CDC123: variants seen among roughly 807,000 people sequenced by gnomAD.
The protein encoded by CDC123 is translation initiation factor eIF2 assembly protein.
In CDC123, 37 loss-of-function variants were observed where a neutral mutation model predicts 54.4. The ratio of observed to expected loss-of-function variants is 0.68; its 90% CI spans 0.52 to 0.89. The LOEUF is 0.89. Ranked by LOEUF, CDC123 falls within the 40% of genes least tolerant of loss-of-function variation. CDC123 has a pLI of 0.00. For missense variants in CDC123, 361 were observed against 412.1 expected, an observed-to-expected ratio of 0.88 and a Z score of 1.07; for synonymous variants, 144 against 136.8, an observed-to-expected ratio of 1.05 and a Z score of -0.37.
At chr10:12,205,895 T>C (rs1835513030) in intron 2 of CDC123, among the ~76,000 whole-genome samples, 1 of 151,310 alleles carries the variant, frequency 6.6e-6, no homozygotes, top group Admixed American at 6.6e-5. Context: ...GCCTACCGGG[T>C]TCAAGCGATT....
intron 7 of CDC123, among the ~76,000 whole-genome samples, chr10:12,231,421 G>A (rs1363147293): frequency 6.6e-6 from 1 of 152,046 alleles, no homozygotes; most frequent in Admixed American, 6.6e-5. Context: ...TCAGGAGTGC[G>A]AGACCAGCCT....
chr10:12,238,788 G>A (rs1836014120), intron 10 of CDC123, among the ~76,000 whole-genome samples: 1 of 152,104 alleles, frequency 6.6e-6, no homozygotes, highest in Non-Finnish European at 1.5e-5. Flanking sequence ...GGGAGGCCGA[G>A]GTGGGAGGAT....
chr10:12,197,638 A>C (rs1454420587), intron 1 of CDC123, among the ~76,000 whole-genome samples: 2 of 151,326 alleles, frequency 1.3e-5, no homozygotes, highest in Non-Finnish European at 3.0e-5. Context: ...CGGCCTCCCA[A>C]AGTGCTGGGA....
chr10:12,241,731 A>G (rs755901653), intron 10 of CDC123, among the ~76,000 whole-genome samples: 7 of 152,072 alleles, frequency 4.6e-5, no homozygotes, highest in Non-Finnish European at 1.0e-4. Flanking sequence ...CAAAGATCCA[A>G]AATTTTGGGT....
chr10:12,249,428 C>T (rs530312935), intron 11 of CDC123, among the ~76,000 whole-genome samples, 153 bp from the exon 12 acceptor site: 7 of 152,288 alleles, frequency 4.6e-5, no homozygotes, highest in African/African-American at 1.4e-4. Context: ...CCACCGTGCC[C>T]GGCTCATTTT....
At chr10:12,215,182 G>A (rs896618357) in intron 4 of CDC123, among the ~76,000 whole-genome samples, 4 of 152,182 alleles carry the variant, frequency 2.6e-5, no homozygotes, top group Admixed American at 2.6e-4. Context: ...GTTTTACCTT[G>A]ACTAAGGTTC....
intron 10 of CDC123, among the ~76,000 whole-genome samples, chr10:12,241,614 C>T (rs191935114): frequency 2.4e-4 from 36 of 152,192 alleles, no homozygotes; most frequent in Non-Finnish European, 3.5e-4. Context: ...GACTCTCATC[C>T]GGGTTGGTTG....
intron 10 of CDC123, among the ~76,000 whole-genome samples, chr10:12,241,294 A>G (rs1836054146): frequency 6.6e-6 from 1 of 152,076 alleles, no homozygotes; most frequent in South Asian, 2.1e-4. Flanking sequence ...TGTATTACAG[A>G]GATTAGGCCT....
chr10:12,217,854 A>C (rs941175904), intron 6 of CDC123, among the ~76,000 whole-genome samples: 12 of 152,208 alleles, frequency 7.9e-5, no homozygotes. Flanking sequence ...TTGGGAGGCC[A>C]AGACAGGTGG....
chr10:12,217,930 A>T (rs1261449458), intron 6 of CDC123, among the ~76,000 whole-genome samples: 1 of 152,178 alleles, frequency 6.6e-6, no homozygotes, highest in East Asian at 1.9e-4. Flanking sequence ...TCTACTAAAA[A>T]TACAAAAAAT....
chr10:12,226,038 C>A (rs781368398), intron 6 of CDC123, among the ~76,000 whole-genome samples: 13 of 152,052 alleles, frequency 8.5e-5, no homozygotes, highest in African/African-American at 2.9e-4. Context: ...TTTAACCCTT[C>A]GTGGACACAG....
At chr10:12,239,864 C>T (rs1196011263) in intron 10 of CDC123, among the ~76,000 whole-genome samples, 5 of 151,642 alleles carry the variant, frequency 3.3e-5, no homozygotes, top group East Asian at 1.9e-4. Flanking sequence ...AAAAATTAGC[C>T]GGGTGTGTTG....
chr10:12,212,411 G>C (rs1230825849), intron 4 of CDC123, among the ~76,000 whole-genome samples: 1 of 152,244 alleles, frequency 6.6e-6, no homozygotes, highest in South Asian at 2.1e-4. Context: ...CCAGAAGCTA[G>C]CTTTGGGCTC....
intron 2 of CDC123, among the ~76,000 whole-genome samples, chr10:12,204,341 C>G (rs1303409906): frequency 2.0e-5 from 3 of 152,024 alleles, no homozygotes; most frequent in Non-Finnish European, 4.4e-5. Flanking sequence ...GTTGAGCATC[C>G]CTAATTAGAA....
intron 10 of CDC123, chr10:12,245,162 G>C (rs550210529): frequency 6.6e-6 from 1 of 152,420 alleles, no homozygotes; most frequent in East Asian, 1.9e-4. Flanking sequence ...GGCTCCCCCT[G>C]AACAGAGCAC....
intron 1 of CDC123, among the ~76,000 whole-genome samples, chr10:12,197,469 C>A (rs115313529): frequency 0.011 from 1,522 of 144,292 alleles, 30 homozygotes; most frequent in African/African-American, 0.037. Flanking sequence ...CTTCCCTTCC[C>A]GAGTTCACGC....
intron 7 of CDC123, among the ~76,000 whole-genome samples, chr10:12,231,788 C>G (rs1416623367): frequency 6.6e-6 from 1 of 152,078 alleles, no homozygotes; most frequent in Non-Finnish European, 1.5e-5. Flanking sequence ...GGACCAGGTT[C>G]TTAGCTACAA....
intron 2 of CDC123, among the ~76,000 whole-genome samples, chr10:12,200,933 C>A (rs1406386722): frequency 3.4e-5 from 5 of 147,978 alleles, no homozygotes; most frequent in African/African-American, 5.0e-5. Context: ...AACTTCGTCT[C>A]AAAAAAAAAA....
chr10:12,217,599 A>T, intron 6 of CDC123, 132 bp downstream of exon 6: 1 of 849,046 alleles, frequency 1.2e-6, no homozygotes, highest in Non-Finnish European at 1.7e-6. Context: ...ATATTGCCAA[A>T]ATGACCTGTT....
Sources: gnomAD v4.1 joint callset for allele counts (sites outside exome capture counted in the v4.1 genomes callset) on GRCh38, gnomAD v4.1.1 for gene constraint, MANE v1.5 for transcripts, NCBI Gene and HGNC (gene_info 2026-07-23, HGNC 2026-07-21) for gene names.